WNK2: variants seen among roughly 807,000 people sequenced by gnomAD.
The protein encoded by WNK2 is WNK lysine deficient protein kinase 2.
WNK2 carries 67 observed loss-of-function variants against 192.1 expected under a neutral mutation model. The observed-to-expected ratio is 0.35, with a 90% CI of 0.29 to 0.43. The LOEUF (loss-of-function observed/expected upper bound fraction) is 0.43. WNK2 is among the 20% of genes least tolerant of loss of function. The probability of loss-of-function intolerance (pLI) is 1.00; values close to 1 mark genes in which losing one functional copy is unlikely to be tolerated. For synonymous variants in WNK2, 1,439 were observed against 1,393.9 expected, an observed-to-expected ratio of 1.03 and a Z score of -0.72; for missense variants, 2,698 against 3,089.7, an observed-to-expected ratio of 0.87 and a Z score of 3.01.
intron 2 of WNK2, among the ~76,000 whole-genome samples, chr9:93,218,762 C>T (rs1836252486): frequency 6.6e-6 from 1 of 152,224 alleles, no homozygotes; most frequent in South Asian, 2.1e-4. Context: ...GGGTGTGTGT[C>T]TGGGTTGTCT....
intron 23 of WNK2, among the ~76,000 whole-genome samples, chr9:93,294,415 G>A (rs1333924457): frequency 6.6e-6 from 1 of 152,236 alleles, no homozygotes; most frequent in East Asian, 1.9e-4. Context: ...CAGATCCTTG[G>A]TGGAGGCCAG....
chr9:93,263,837 G>C, intron 15 of WNK2, 80 bp from the exon 16 acceptor site: 1 of 603,454 alleles, frequency 1.7e-6, no homozygotes, highest in Non-Finnish European at 2.7e-6. Flanking sequence ...TGGGGGGGAG[G>C]GGTACTTGGG....
In WNK2 at chr9:93,222,958, C is replaced by T. The variant is rs554652049; in HGVS notation, c.682-6738C>T. On this transcript the variant is annotated intron_variant, in intron 2 of 29. Coordinates refer to ENST00000427277, the MANE Select transcript of WNK2 (RefSeq NM_006648.4). ...CGGCCTTCCAAAGTGCTGGGATTAC[C>T]GGTGTGAGCCACCGTGCCCAGCCGT... Among the ~76,000 whole-genome samples, 14 of 152,224 alleles carry T rather than the reference C, an allele frequency of 9.2e-5. No individual in the cohort carries two copies. In the South Asian group the frequency reaches 2.5e-3, roughly 27 times the overall value.
Position 93,292,973 on chromosome 9 carries a change from C to A in WNK2, c.5508C>A (p.Phe1836Leu). 1 of 1,542,940 alleles carries A rather than the reference C, an allele frequency of 6.5e-7. No homozygotes were observed. Among genetic ancestry groups the A allele is most frequent in the Non-Finnish European group, 8.7e-7 (1 of 1,145,682 alleles). Residue 1836 changes from phenylalanine (F) to leucine (L), a missense_variant, in exon 23 of 30, where the codon TTC becomes TTA. Physicochemically the swap from Phe to Leu is conservative, Grantham distance 22 (BLOSUM62 0). This residue lies in a region of WNK2 where 1,098 missense variants were observed against 1,101.0 expected (regional missense o/e 1.00). Transcript: ENST00000427277. ...TGAGTGGCAGCGTGGCTGGCGACTT[C>A]GTGAAGAAGGCCACCGCCTTCCTGC... ...LPVSGSVAGD[F>L]VKKATAFLQR...
intron 19 of WNK2, among the ~76,000 whole-genome samples, chr9:93,285,737 A>T (rs1848356451): frequency 6.6e-6 from 1 of 152,216 alleles, no homozygotes; most frequent in Admixed American, 6.5e-5. Context: ...ACCAGTAAAA[A>T]CCAAGACAGC....
intron 2 of WNK2, among the ~76,000 whole-genome samples, chr9:93,193,287 G>A (rs891471026): frequency 2.0e-4 from 30 of 152,300 alleles, no homozygotes; most frequent in African/African-American, 6.5e-4. Context: ...TGCGAGCCTC[G>A]GTTTACCCTT....
At chr9:93,260,288 G>C (rs570775275) in intron 12 of WNK2, among the ~76,000 whole-genome samples, 2 of 152,292 alleles carry the variant, frequency 1.3e-5, no homozygotes, top group Non-Finnish European at 2.9e-5. Context: ...AGACTATTCT[G>C]TTCAAACTCG....
intron 2 of WNK2, among the ~76,000 whole-genome samples, chr9:93,222,460 CTG>C (rs1368256910): frequency 6.6e-6 from 1 of 152,188 alleles, no homozygotes; most frequent in African/African-American, 2.4e-5. Context: ...ACAAAGAAGA[CTG>C]AATGTGGGAA....
At chr9:93,185,684 T>C (rs1829167179) in intron 2 of WNK2, 74 bp downstream of exon 2, 1 of 1,521,412 alleles carries the variant, frequency 6.6e-7, no homozygotes, top group African/African-American at 1.4e-5. Context: ...CTGTCCTTGC[T>C]CCTGCGCCTG....
chr9:93,318,694 C>G (rs1855152160), intron 29 of WNK2: 4 of 1,474,850 alleles, frequency 2.7e-6, no homozygotes, highest in Non-Finnish European at 3.6e-6. Context: ...CCATGGAGAC[C>G]TGTGGCTCTG....
rs1037193271 is a variant in WNK2, at chr9:93,262,125, C to T, written c.3360+18C>T. ...TCCAAGAGGTGTGTGCCCCTCCCCC[C>T]AGCCTGTCCCATGACTGGGCAGTTG... On this transcript the variant is annotated intron_variant, in intron 13 of 29. Transcript: ENST00000427277. The T allele has an allele frequency of 6.4e-7, 1 of 1,561,132 alleles. No individual in the cohort carries two copies. The highest frequency in any genetic ancestry group is 1.3e-5 in the African/African-American group (1 of 74,156).
intron 2 of WNK2, among the ~76,000 whole-genome samples, chr9:93,220,967 C>T (rs1044577960): frequency 1.3e-5 from 2 of 152,232 alleles, no homozygotes; most frequent in African/African-American, 2.4e-5. Flanking sequence ...CCTGGGCTGC[C>T]CACCCATCCC....
At chr9:93,281,108 A>G (rs1261060094) in intron 19 of WNK2, among the ~76,000 whole-genome samples, 2 of 152,222 alleles carry the variant, frequency 1.3e-5, no homozygotes, top group African/African-American at 4.8e-5. Flanking sequence ...CACAAGGTTC[A>G]CAAGGAAACA....
Position 93,247,595 on chromosome 9 carries a change from T to C in WNK2, c.1595T>C (p.Ile532Thr). Residue 532 changes from isoleucine to threonine, a missense_variant, in exon 8 of 30, where the codon ATC becomes ACC. By Grantham distance (89) the Ile-to-Thr change is moderately conservative. Around this residue, in one of 7 missense-constraint regions of WNK2, gnomAD observed 230 missense variants for 501.1 expected, o/e 0.46. Transcript: ENST00000427277. The surrounding 1 kb of genome is among the most constrained non-coding windows in gnomAD (Gnocchi z 5.2). ...ESDVKIVAKS[I>T]RDRVALIQWR... ...GACGTCAAGATCGTGGCCAAGTCCATCCGTGACCGCGTGGCCTTGATCCAG... is the reference window on the plus strand; with the variant it reads ...GACGTCAAGATCGTGGCCAAGTCCACCCGTGACCGCGTGGCCTTGATCCAG... The C allele has an allele frequency of 6.2e-7, 1 of 1,607,810 alleles. No individual in the cohort carries two copies. The highest frequency in any genetic ancestry group is 1.3e-5 in the African/African-American group (1 of 74,950).
In WNK2 at chr9:93,289,674, G is replaced by A. The variant is rs1306602050; in HGVS notation, c.4866+54G>A. ...TGCCCTGGGTCAGGGGCCGGAGCCC[G>A]GGCGCAGGCCCGGGGGTGGGCAGGC... On this transcript the variant is annotated intron_variant, in intron 20 of 29. Coordinates refer to ENST00000427277, the MANE Select transcript of WNK2 (RefSeq NM_006648.4). 10 of 1,417,186 alleles carry A rather than the reference G, an allele frequency of 7.1e-6. No individual in the cohort carries two copies. In the South Asian group the frequency reaches 7.6e-5, roughly 11 times the overall value. 87.8% of individuals were successfully genotyped at this position (1,417,186 alleles called of 1,614,324 possible). A position where few individuals can be genotyped will look rare whatever the true frequency, so the allele number is the denominator to read the frequency against.
intron 19 of WNK2, among the ~76,000 whole-genome samples, chr9:93,286,944 T>C (rs754639616): frequency 7.2e-5 from 11 of 152,148 alleles, no homozygotes; most frequent in Non-Finnish European, 1.3e-4. Flanking sequence ...ATATGCAGTA[T>C]CTAAAACAGT....
intron 29 of WNK2, among the ~76,000 whole-genome samples, chr9:93,319,949 T>C (rs1456765320): frequency 6.6e-6 from 1 of 152,180 alleles, no homozygotes; most frequent in Non-Finnish European, 1.5e-5. Flanking sequence ...CAGTGTCTCC[T>C]GCCCGGTCCA....
At chr9:93,235,154 G>A (rs1839584966) in intron 5 of WNK2, among the ~76,000 whole-genome samples, 189 bp downstream of exon 5, 1 of 152,214 alleles carries the variant, frequency 6.6e-6, no homozygotes, top group Non-Finnish European at 1.5e-5. Context: ...TAGTAGCGGG[G>A]TGGTTACTCA....
chr9:93,308,969 G>A, intron 28 of WNK2: 1 of 1,058,376 alleles, frequency 9.4e-7, no homozygotes, highest in Non-Finnish European at 1.1e-6. Flanking sequence ...GACCAGGGCA[G>A]GTGTGCATGT....
Sources: gnomAD v4.1 joint callset for allele counts (sites outside exome capture counted in the v4.1 genomes callset) on GRCh38, gnomAD v4.1.1 for gene constraint, gnomAD v4.1.1 regional missense constraint, Gnocchi (gnomAD v3.1) non-coding constraint, MANE v1.5 for transcripts, NCBI Gene and HGNC (gene_info 2026-07-23, HGNC 2026-07-21) for gene names.